The following SPECC1 variants were observed in gnomAD, a reference collection of about 807,000 sequenced individuals.
SPECC1 encodes cytospin-B.
A neutral mutation model predicts 104.1 loss-of-function variants in SPECC1; 62 were observed. The ratio of observed to expected loss-of-function variants is 0.60; its 90% CI spans 0.49 to 0.74. SPECC1 has a LOEUF of 0.74. Among genes scored for constraint, SPECC1 ranks in the 30% least tolerant of loss-of-function variants. The pLI is 0.00. For synonymous variants in SPECC1, 513 were observed against 501.6 expected (o/e 1.02, Z -0.30); for missense variants, 1,306 against 1,310.5 (o/e 1.00, Z 0.05).
At chr17:20,214,911 C>A (rs1297423393) in intron 4 of SPECC1, among the ~76,000 whole-genome samples, 1 of 152,226 alleles carries the variant, frequency 6.6e-6, no homozygotes, top group Non-Finnish European at 1.5e-5. Flanking sequence ...TCAGCCTATT[C>A]ATAGATCTCC....
chr17:20,184,201 AAAG>A (rs2035106539), intron 3 of SPECC1, among the ~76,000 whole-genome samples: 1 of 151,562 alleles, frequency 6.6e-6, no homozygotes, highest in African/African-American at 2.4e-5. Context: ...AAAAAAAAAA[AAAG>A]ATGTAGAGGT....
intron 12 of SPECC1, among the ~76,000 whole-genome samples, chr17:20,289,422 C>T (rs2041080738): frequency 6.6e-6 from 1 of 152,168 alleles, no homozygotes; most frequent in African/African-American, 2.4e-5. Context: ...CTGCCTCAGC[C>T]TCCCAAGTAG....
At chr17:20,145,011 G>T (rs1338842183) in intron 3 of SPECC1, among the ~76,000 whole-genome samples, 1 of 152,174 alleles carries the variant, frequency 6.6e-6, no homozygotes, top group Admixed American at 6.5e-5. Context: ...AATTCAAGAA[G>T]GATGTTCAAG....
In SPECC1 at chr17:20,263,839, TG is replaced by T. The variant is rs1363075896; in HGVS notation, c.2940+3546del. On this transcript the variant is annotated intron_variant, in intron 12 of 14. Transcript: ENST00000395527. ...TGCAGGGAAGAGACAGACAATAAGA[TG>T]TTTCCAGTCAGGATCACAAGAACAC... Among the ~76,000 whole-genome samples the T allele has an allele frequency of 2.6e-5, 4 of 152,198 alleles. No homozygotes were observed. The South Asian group carries it at 6.2e-4, about 24-fold the overall frequency.
At chr17:20,081,870 C>A (rs746292864) in intron 1 of SPECC1, among the ~76,000 whole-genome samples, 1 of 152,130 alleles carries the variant, frequency 6.6e-6, no homozygotes, top group Non-Finnish European at 1.5e-5. Context: ...CAAAGCCACC[C>A]CAGGAGCCCC....
intron 3 of SPECC1, among the ~76,000 whole-genome samples, chr17:20,149,562 T>A (rs866095635): frequency 1.4e-4 from 21 of 152,364 alleles, no homozygotes; most frequent in African/African-American, 4.6e-4. Context: ...ACACCCTGAA[T>A]GACTACACTG....
At chr17:20,104,178 A>G (rs913112789) in intron 2 of SPECC1, among the ~76,000 whole-genome samples, 2 of 152,158 alleles carry the variant, frequency 1.3e-5, no homozygotes, top group Non-Finnish European at 2.9e-5. Context: ...TTTCTGATGT[A>G]AGGAGGGTGA....
intron 7 of SPECC1, among the ~76,000 whole-genome samples, chr17:20,234,480 C>G (rs866406388): frequency 3.3e-5 from 5 of 152,180 alleles, no homozygotes; most frequent in Non-Finnish European, 5.9e-5. Flanking sequence ...AGCACCTACC[C>G]CATGAGCAAG....
At chr17:20,220,560 T>TG in intron 4 of SPECC1, among the ~76,000 whole-genome samples, 1 of 11,746 alleles carries the variant, frequency 8.5e-5, no homozygotes, top group Non-Finnish European at 1.3e-4. Context: ...TCTTAATAGT[T>TG]TTTTTTTTTT....
intron 1 of SPECC1, among the ~76,000 whole-genome samples, chr17:20,023,247 C>CT (rs2044465408): frequency 6.6e-6 from 1 of 152,164 alleles, no homozygotes. Flanking sequence ...TGGATTTGGG[C>CT]TGCAGACTGT....
intron 3 of SPECC1, among the ~76,000 whole-genome samples, chr17:20,201,481 C>CA (rs1382965241): frequency 1.3e-5 from 2 of 151,462 alleles, no homozygotes; most frequent in Non-Finnish European, 1.5e-5. Context: ...AACTCCATCT[C>CA]AAAAAAATAA....
intron 4 of SPECC1, among the ~76,000 whole-genome samples, chr17:20,206,470 A>G (rs1019358665): frequency 6.6e-6 from 1 of 152,172 alleles, no homozygotes; most frequent in Non-Finnish European, 1.5e-5. Flanking sequence ...CATCCTGTAC[A>G]TGTTATTAAC....
intron 1 of SPECC1, among the ~76,000 whole-genome samples, chr17:20,038,728 T>G (rs1413141644): frequency 6.6e-6 from 1 of 152,220 alleles, no homozygotes; most frequent in Non-Finnish European, 1.5e-5. Flanking sequence ...TTTATTTCCC[T>G]TAAGAAATTT....
intron 1 of SPECC1, among the ~76,000 whole-genome samples, chr17:20,063,316 A>G (rs2046253451): frequency 6.6e-6 from 1 of 152,106 alleles, no homozygotes; most frequent in African/African-American, 2.4e-5. Context: ...TAATTTTGGT[A>G]TTCTATGTTT....
chr17:20,139,175 T>C (rs140580129), intron 3 of SPECC1, among the ~76,000 whole-genome samples: 1,633 of 152,336 alleles, frequency 0.011, 16 homozygotes, highest in Non-Finnish European at 0.016. Flanking sequence ...TGTTCTTGGG[T>C]ACATTTTCTT....
chr17:20,148,115 AAGTTT>A (rs1414130455), intron 3 of SPECC1, among the ~76,000 whole-genome samples: 3 of 152,218 alleles, frequency 2.0e-5, no homozygotes, highest in African/African-American at 7.2e-5. Context: ...ACCTTTGCTT[AAGTTT>A]AGTTCTTAAC....
chr17:20,016,013 C>T (rs1428362245), intron 1 of SPECC1, among the ~76,000 whole-genome samples: 1 of 150,060 alleles, frequency 6.7e-6, no homozygotes, highest in African/African-American at 2.4e-5. Flanking sequence ...AGATTGAGAC[C>T]ATCTGGCTAA....
intron 3 of SPECC1, among the ~76,000 whole-genome samples, chr17:20,133,479 G>A (rs1256522062): frequency 6.6e-6 from 1 of 151,654 alleles, no homozygotes; most frequent in Non-Finnish European, 1.5e-5. Flanking sequence ...TTAGTGTGGT[G>A]TACCTTGCCC....
chr17:20,027,509 T>C (rs2044642840), intron 1 of SPECC1, among the ~76,000 whole-genome samples: 1 of 152,226 alleles, frequency 6.6e-6, no homozygotes, highest in African/African-American at 2.4e-5. Context: ...TGGACCAATG[T>C]CCTGAAGCGT....
Sources: allele counts gnomAD v4.1 joint callset (sites outside exome capture counted in the v4.1 genomes callset), GRCh38; gene constraint gnomAD v4.1.1; transcripts MANE v1.5; gene names NCBI Gene and HGNC (gene_info 2026-07-23, HGNC 2026-07-21).